The following CSMD1 variants were observed in gnomAD, a reference collection of about 807,000 sequenced individuals.
CSMD1 encodes the protein CUB and Sushi multiple domains 1.
Under a neutral mutation model 417.5 loss-of-function variants are expected in CSMD1, and 213 were observed. The ratio of observed to expected loss-of-function variants is 0.51; its 90% CI spans 0.46 to 0.57. The LOEUF is 0.57. Among genes scored for constraint, CSMD1 ranks in the 20% least tolerant of loss-of-function variants. CSMD1 has a pLI of 0.00. For missense variants in CSMD1, 6,923 were observed against 4,529.7 expected (o/e 1.53, Z -15.17); for synonymous variants, 2,862 against 1,736.8 (o/e 1.65, Z -16.11).
chr8:3,401,702 G>GA (rs1812049006), intron 15 of CSMD1, among the ~76,000 whole-genome samples: 1 of 152,000 alleles, frequency 6.6e-6, no homozygotes, highest in African/African-American at 2.4e-5. Flanking sequence ...ATGGCAGGTG[G>GA]AAAAAGGTCT....
intron 62 of CSMD1, among the ~76,000 whole-genome samples, chr8:2,958,342 T>G (rs772971082): frequency 3.3e-5 from 5 of 152,204 alleles, no homozygotes; most frequent in African/African-American, 4.8e-5. Context: ...CTTAATTCTC[T>G]GTACTTTGCT....
At chr8:3,555,943 A>G (rs1799122888) in intron 10 of CSMD1, among the ~76,000 whole-genome samples, 1 of 152,176 alleles carries the variant, frequency 6.6e-6, no homozygotes, top group Non-Finnish European at 1.5e-5. Flanking sequence ...AAATATTTGA[A>G]TAGCTCTGGT....
chr8:4,605,157 C>A (rs1001449335), intron 2 of CSMD1, among the ~76,000 whole-genome samples: 2 of 152,098 alleles, frequency 1.3e-5, no homozygotes, highest in African/African-American at 2.4e-5. Context: ...TCACAATTCT[C>A]AAAAAAGACA....
chr8:4,091,960 C>G (rs993384141), intron 3 of CSMD1, among the ~76,000 whole-genome samples: 4 of 152,142 alleles, frequency 2.6e-5, no homozygotes, highest in Non-Finnish European at 5.9e-5. Flanking sequence ...AAGGGACTCA[C>G]GTAACTCTGC....
intron 3 of CSMD1, among the ~76,000 whole-genome samples, chr8:4,356,664 T>G (rs942656118): frequency 6.6e-6 from 1 of 152,196 alleles, no homozygotes; most frequent in African/African-American, 2.4e-5. Flanking sequence ...CACATACACC[T>G]GTTAGTGAGG....
At chr8:3,469,147 G>C (rs901676934) in intron 11 of CSMD1, 1 of 216,940 alleles carries the variant, frequency 4.6e-6, no homozygotes, top group Non-Finnish European at 9.2e-6. Flanking sequence ...TTACAACTGG[G>C]ACAGTCCTGG....
chr8:3,756,506 C>T lies in CSMD1; in HGVS notation c.819-2464G>A, dbSNP rs142093666. On this transcript the variant is annotated intron_variant, in intron 5 of 69. Coordinates refer to ENST00000635120, the MANE Select transcript of CSMD1 (RefSeq NM_033225.6). ...TATACACTGAAATTAAGCACAGAAG[C>T]AAGCCTACCTTTTCCACATCAGATA... Among the ~76,000 whole-genome samples, 1,056 of 152,108 alleles carry T rather than the reference C, an allele frequency of 6.9e-3. 12 individuals are homozygous for T. The highest frequency in any genetic ancestry group is 0.024 in the African/African-American group (998 of 41,496).
chr8:3,818,619 C>T (rs1801533012), intron 5 of CSMD1, among the ~76,000 whole-genome samples: 1 of 152,026 alleles, frequency 6.6e-6, no homozygotes, highest in African/African-American at 2.4e-5. Flanking sequence ...AAACAGGGTC[C>T]CATGGGTCCC....
chr8:4,251,259 A>G (rs1803049798), intron 3 of CSMD1, among the ~76,000 whole-genome samples: 1 of 152,230 alleles, frequency 6.6e-6, no homozygotes, highest in African/African-American at 2.4e-5. Context: ...TCACATGGGT[A>G]TATGGAAGGC....
intron 1 of CSMD1, among the ~76,000 whole-genome samples, chr8:4,799,598 CAAAAAAAAAAAAAAAAA>C (rs1168273531): frequency 2.1e-5 from 1 of 47,152 alleles, no homozygotes; most frequent in Non-Finnish European, 3.4e-5. Flanking sequence ...GACTCCGTCT[CAAAAAAAAAAAAAAAAA>C]AAAAAAAAAA....
intron 10 of CSMD1, among the ~76,000 whole-genome samples, chr8:3,549,115 T>C (rs1308780118): frequency 2.0e-5 from 3 of 152,204 alleles, no homozygotes; most frequent in East Asian, 3.9e-4. Flanking sequence ...GCCATGCAGA[T>C]GCCCGCTTCC....
chr8:3,822,239 C>G (rs1801776291), intron 5 of CSMD1, among the ~76,000 whole-genome samples: 1 of 152,192 alleles, frequency 6.6e-6, no homozygotes, highest in African/African-American at 2.4e-5. Context: ...GCTTCCATCA[C>G]TTAACCTCTG....
chr8:4,657,804 C>A (rs1804339233), intron 1 of CSMD1, among the ~76,000 whole-genome samples: 1 of 150,524 alleles, frequency 6.6e-6, no homozygotes, highest in East Asian at 1.9e-4. Flanking sequence ...AAAATACACC[C>A]AAATAGCTAA....
chr8:3,924,849 G>A (rs978507396), intron 5 of CSMD1, among the ~76,000 whole-genome samples: 1 of 152,100 alleles, frequency 6.6e-6, no homozygotes, highest in Admixed American at 6.6e-5. Context: ...TTGTCAGGCG[G>A]TTCAAAAATT....
chr8:3,046,277 G>A (rs1042927067), intron 50 of CSMD1, among the ~76,000 whole-genome samples: 3 of 152,130 alleles, frequency 2.0e-5, no homozygotes, highest in South Asian at 4.1e-4. Flanking sequence ...CCACGTGGAC[G>A]CATGTGTTTC....
intron 65 of CSMD1, among the ~76,000 whole-genome samples, chr8:2,951,900 G>A (rs113531365): frequency 0.01 from 1,579 of 152,144 alleles, 21 homozygotes; most frequent in African/African-American, 0.036. Context: ...AAGAAGAGAT[G>A]GGCTCAATAA....
intron 1 of CSMD1, among the ~76,000 whole-genome samples, chr8:4,893,082 G>C (rs547203709): frequency 6.6e-6 from 1 of 152,086 alleles, no homozygotes; most frequent in Non-Finnish European, 1.5e-5. Flanking sequence ...CCCCTCCAGG[G>C]CTCGTCACTG....
chr8:3,316,392 C>CCTAT (rs1414016890), intron 23 of CSMD1, among the ~76,000 whole-genome samples: 6 of 152,094 alleles, frequency 3.9e-5, no homozygotes, highest in Admixed American at 3.3e-4. Context: ...TAAAACGGCT[C>CCTAT]CTATCTTCCC....
At chr8:3,418,930 G>A (rs148224912) in intron 12 of CSMD1, among the ~76,000 whole-genome samples, 1,611 of 152,220 alleles carry the variant, frequency 0.011, 31 homozygotes, top group African/African-American at 0.037. Context: ...ATACATGAAA[G>A]GTATGCATAA....
Sources: gnomAD v4.1 joint callset for allele counts (sites outside exome capture counted in the v4.1 genomes callset) on GRCh38, gnomAD v4.1.1 for gene constraint, MANE v1.5 for transcripts, NCBI Gene and HGNC (gene_info 2026-07-23, HGNC 2026-07-21) for gene names.